DPP10: variants seen among roughly 807,000 people sequenced by gnomAD.
DPP10 encodes inactive dipeptidyl peptidase 10.
DPP10 carries 33 observed loss-of-function variants against 120.9 expected under a neutral mutation model. That is an observed-to-expected ratio of 0.27 (90% CI 0.21 to 0.37). The LOEUF is 0.37. Ranked by LOEUF, DPP10 falls within the 10% of genes least tolerant of loss-of-function variation. DPP10 has a pLI of 1.00. For missense variants in DPP10, 816 were observed against 942.8 expected (o/e 0.87, Z 1.76); for synonymous variants, 337 against 326.1 (o/e 1.03, Z -0.36).
intron 1 of DPP10, among the ~76,000 whole-genome samples, chr2:115,188,079 G>GAGAGAT (rs1433270736): frequency 6.6e-6 from 1 of 151,688 alleles, no homozygotes; most frequent in Non-Finnish European, 1.5e-5. Flanking sequence ...GAGAGAGAGA[G>GAGAGAT]AGAGAGCGCA....
At chr2:115,614,232 G>A (rs2084321840) in intron 5 of DPP10, among the ~76,000 whole-genome samples, 1 of 152,170 alleles carries the variant, frequency 6.6e-6, no homozygotes, top group African/African-American at 2.4e-5. Context: ...GTCACAACAA[G>A]GTTATTGATA....
rs150770202 is a variant in DPP10, at chr2:115,240,814, T to G, written c.61-68425T>G. Among the ~76,000 whole-genome samples the G allele has an allele frequency of 4.6e-3, 708 of 152,320 alleles. 7 individuals carry two copies. The highest frequency in any genetic ancestry group is 0.016 in the African/African-American group (665 of 41,570). On this transcript the variant is annotated intron_variant, in intron 1 of 25. Coordinates refer to ENST00000410059, the MANE Select transcript of DPP10 (RefSeq NM_020868.6). ...CAATCTTGTAAGATAATTTTATTCT[T>G]TATAAGTCAAAACAAAATATTTACA...
chr2:115,147,952 G>A (rs2051322719), intron 1 of DPP10, among the ~76,000 whole-genome samples: 1 of 152,092 alleles, frequency 6.6e-6, no homozygotes, highest in South Asian at 2.1e-4. Context: ...TCAAGACTTG[G>A]CAATTTGAGG....
chr2:114,563,928 G>T (rs1201009548), intron 1 of DPP10, among the ~76,000 whole-genome samples: 2 of 152,162 alleles, frequency 1.3e-5, no homozygotes, highest in South Asian at 2.1e-4. Context: ...CATTCTTGAA[G>T]CTTTCCTCTG....
chr2:114,711,282 T>C (rs1299149193), intron 1 of DPP10, among the ~76,000 whole-genome samples: 1 of 152,162 alleles, frequency 6.6e-6, no homozygotes, highest in Non-Finnish European at 1.5e-5. Flanking sequence ...ATAGATATAA[T>C]ACATACTTCC....
At chr2:115,121,439 G>T (rs574349754) in intron 1 of DPP10, among the ~76,000 whole-genome samples, 4 of 152,190 alleles carry the variant, frequency 2.6e-5, no homozygotes, top group Non-Finnish European at 4.4e-5. Context: ...CCTTGGCTTT[G>T]TCCTGTTGAT....
At chr2:115,483,479 C>CTATCTCTGTATG (rs3980957) in intron 3 of DPP10, among the ~76,000 whole-genome samples, 1 of 144,174 alleles carries the variant, frequency 6.9e-6, no homozygotes, top group Non-Finnish European at 1.5e-5. Flanking sequence ...ATCTATCTAT[C>CTATCTCTGTATG]TGTATGTGTA....
At chr2:114,861,445 G>A (rs909347610) in intron 1 of DPP10, among the ~76,000 whole-genome samples, 10 of 152,156 alleles carry the variant, frequency 6.6e-5, no homozygotes, top group Non-Finnish European at 1.2e-4. Flanking sequence ...TGAATGAAAA[G>A]TACCATATAT....
intron 1 of DPP10, among the ~76,000 whole-genome samples, chr2:115,071,161 T>C (rs1437677444): frequency 1.3e-5 from 2 of 152,198 alleles, no homozygotes; most frequent in East Asian, 3.9e-4. Flanking sequence ...GAGTCAGCAA[T>C]AGAAAATTCT....
intron 2 of DPP10, among the ~76,000 whole-genome samples, chr2:115,314,356 G>A (rs906122488): frequency 3.9e-5 from 6 of 152,152 alleles, no homozygotes; most frequent in Admixed American, 2.0e-4. Context: ...TGCTGACTAA[G>A]GGTAAAACGG....
chr2:115,697,340 A>G (rs1362365747), intron 7 of DPP10, among the ~76,000 whole-genome samples: 3 of 151,974 alleles, frequency 2.0e-5, no homozygotes, highest in African/African-American at 7.2e-5. Context: ...TAAGAAACTC[A>G]CTGTAGATAC....
At chr2:114,462,800 A>G (rs13382364) in intron 1 of DPP10, among the ~76,000 whole-genome samples, 19,217 of 152,136 alleles carry the variant, frequency 0.13, 2,899 homozygotes, top group African/African-American at 0.36. Context: ...AGACAGGGCA[A>G]GTATCAACAT....
intron 1 of DPP10, among the ~76,000 whole-genome samples, chr2:114,790,913 G>C (rs13407877): frequency 1.4e-3 from 220 of 152,272 alleles, no homozygotes; most frequent in African/African-American, 5.0e-3. Flanking sequence ...CTTGGGCTCA[G>C]AGGCCTGACA....
chr2:115,719,489 A>T (rs1559070937), intron 7 of DPP10, among the ~76,000 whole-genome samples: 1 of 152,184 alleles, frequency 6.6e-6, no homozygotes, highest in Non-Finnish European at 1.5e-5. Context: ...CCATAGAGAA[A>T]TGAAAGCAGT....
intron 5 of DPP10, among the ~76,000 whole-genome samples, chr2:115,605,303 A>G (rs912304313): frequency 2.6e-5 from 4 of 152,140 alleles, no homozygotes; most frequent in African/African-American, 9.6e-5. Flanking sequence ...TGTGAGCTAG[A>G]GAGAATACAT....
intron 3 of DPP10, among the ~76,000 whole-genome samples, chr2:115,390,421 G>A (rs1321077733): frequency 6.6e-6 from 1 of 152,120 alleles, no homozygotes; most frequent in African/African-American, 2.4e-5. Flanking sequence ...TCTTTCTACA[G>A]CTGTATCTTC....
At chr2:114,763,951 C>T (rs1324657863) in intron 1 of DPP10, among the ~76,000 whole-genome samples, 2 of 152,188 alleles carry the variant, frequency 1.3e-5, no homozygotes, top group Non-Finnish European at 2.9e-5. Flanking sequence ...CTCCAGAGTA[C>T]TCTTTCCTTT....
chr2:114,682,744 A>G (rs992631700), intron 1 of DPP10, among the ~76,000 whole-genome samples: 5 of 149,724 alleles, frequency 3.3e-5, no homozygotes, highest in Non-Finnish European at 7.4e-5. Flanking sequence ...GTAAGATTTT[A>G]TATCTATCTA....
At chr2:114,773,311 A>G (rs1159455587) in intron 1 of DPP10, among the ~76,000 whole-genome samples, 2 of 152,178 alleles carry the variant, frequency 1.3e-5, no homozygotes, top group East Asian at 3.9e-4. Context: ...AACTATTTAC[A>G]TTGTCAAAAC....
Sources: allele counts gnomAD v4.1 joint callset (sites outside exome capture counted in the v4.1 genomes callset), GRCh38; gene constraint gnomAD v4.1.1; transcripts MANE v1.5; gene names NCBI Gene and HGNC (gene_info 2026-07-23, HGNC 2026-07-21).